The following NXPH1 variants were observed in gnomAD, a reference collection of about 807,000 sequenced individuals.
The protein encoded by NXPH1 is neurexophilin 1.
NXPH1 carries 5 observed loss-of-function variants against 23.7 expected under a neutral mutation model. The ratio of observed to expected loss-of-function variants is 0.21; its 90% CI spans 0.11 to 0.44. NXPH1 has a LOEUF of 0.44. NXPH1 is among the 20% of genes least tolerant of loss of function. NXPH1 has a pLI of 0.99. For missense variants in NXPH1, 324 were observed against 321.6 expected, an observed-to-expected ratio of 1.01 and a Z score of -0.06; for synonymous variants, 144 against 122.2, an observed-to-expected ratio of 1.18 and a Z score of -1.18.
chr7:8,665,470 T>G (rs1279245689), intron 2 of NXPH1, among the ~76,000 whole-genome samples: 1 of 152,108 alleles, frequency 6.6e-6, no homozygotes, highest in African/African-American at 2.4e-5. Context: ...CTTTGTTCTT[T>G]TTGTTCAAGA....
At chr7:8,543,494 TGTAACAATGCAGATTTGG>T (rs1471198248) in intron 2 of NXPH1, among the ~76,000 whole-genome samples, 2 of 151,550 alleles carry the variant, frequency 1.3e-5, no homozygotes, top group African/African-American at 4.8e-5. Flanking sequence ...TGGGGGTGAT[TGTAACAATGCAGATTTGG>T]GGCCAAATCC....
intron 2 of NXPH1, among the ~76,000 whole-genome samples, chr7:8,612,354 T>C (rs1382589932): frequency 6.6e-6 from 1 of 151,848 alleles, no homozygotes; most frequent in Non-Finnish European, 1.5e-5. Context: ...CAATAAAGGC[T>C]GTTTTGGTGA....
At chr7:8,619,027 A>G (rs1819806848) in intron 2 of NXPH1, among the ~76,000 whole-genome samples, 1 of 152,168 alleles carries the variant, frequency 6.6e-6, no homozygotes. Flanking sequence ...TTTAGTATGT[A>G]CAAAAGAGAT....
At chr7:8,724,470 AAACTGCT>A (rs1434416419) in intron 2 of NXPH1, among the ~76,000 whole-genome samples, 1 of 152,234 alleles carries the variant, frequency 6.6e-6, no homozygotes, top group African/African-American at 2.4e-5. Flanking sequence ...AAGGTAAAAC[AAACTGCT>A]AATAATGAGT....
rs372682677 is a variant in NXPH1, at chr7:8,608,945, C to T, written c.55-142063C>T. 3.3e-5 allele frequency among the ~76,000 whole-genome samples: 5 copies of T among 152,210 alleles called. 1 individual carries two copies. Among genetic ancestry groups the T allele is most frequent in the African/African-American group, 9.6e-5 (4 of 41,552 alleles). On this transcript the variant is annotated intron_variant, in intron 2 of 2. Transcript: ENST00000405863. ...AACAGGGATATATACAGTAAGTCCT[C>T]ACCTAATGTCATTGATAGGTTCTTG...
chr7:8,639,456 T>G (rs780296915), intron 2 of NXPH1, among the ~76,000 whole-genome samples: 10 of 151,042 alleles, frequency 6.6e-5, no homozygotes, highest in Non-Finnish European at 1.3e-4. Flanking sequence ...CTACCATCGG[T>G]GTAAAAGAAA....
chr7:8,473,822 A>G (rs1209869190), intron 2 of NXPH1, among the ~76,000 whole-genome samples: 3 of 151,962 alleles, frequency 2.0e-5, no homozygotes, highest in Non-Finnish European at 4.4e-5. Flanking sequence ...TCACAGCCCA[A>G]TTTGACTAGT....
chr7:8,588,922 A>T (rs1277332460), intron 2 of NXPH1, among the ~76,000 whole-genome samples: 2 of 152,182 alleles, frequency 1.3e-5, no homozygotes, highest in African/African-American at 4.8e-5. Context: ...ATTTATTTAC[A>T]TGCATGCTGT....
chr7:8,680,280 G>A (rs1313623108), intron 2 of NXPH1, among the ~76,000 whole-genome samples: 2 of 152,204 alleles, frequency 1.3e-5, no homozygotes, highest in Non-Finnish European at 2.9e-5. Context: ...GTGGTGAATC[G>A]GGGAGAGGGA....
chr7:8,666,440 T>C, intron 2 of NXPH1, among the ~76,000 whole-genome samples: 1 of 152,024 alleles, frequency 6.6e-6, no homozygotes, highest in Admixed American at 6.5e-5. Context: ...TTTGCTAGTA[T>C]TTTGTTGAGA....
chr7:8,434,242 C>G lies in NXPH1; in HGVS notation c.-624C>G, dbSNP rs1304532615. On this transcript the variant is annotated 5_prime_UTR_variant, in exon 1 of 3. Coordinates refer to ENST00000405863, the MANE Select transcript of NXPH1 (RefSeq NM_152745.3). The surrounding 1 kb of genome is among the most constrained non-coding windows in gnomAD (Gnocchi z 7.6). ...TCTGCCGTGTGGTTCTCTTTTCTTC[C>G]GAAAGGCCAGTGTCTTATCTCTCCA... The G allele has an allele frequency of 6.5e-6, 1 of 152,938 alleles. No homozygotes were observed. The highest frequency in any genetic ancestry group is 1.5e-5 in the Non-Finnish European group (1 of 68,258). The allele number at this position is 152,938 out of a possible 1,614,324, so 9.5% of individuals were successfully genotyped here. A position where few individuals can be genotyped will look rare whatever the true frequency, so the allele number is the denominator to read the frequency against.
At chr7:8,512,394 A>T (rs889529328) in intron 2 of NXPH1, among the ~76,000 whole-genome samples, 6 of 152,152 alleles carry the variant, frequency 3.9e-5, no homozygotes, top group Admixed American at 6.5e-5. Context: ...AGGTATATAA[A>T]GGTAAAGGAA....
intron 2 of NXPH1, among the ~76,000 whole-genome samples, chr7:8,520,096 A>C (rs1817746286): frequency 6.6e-6 from 1 of 152,212 alleles, no homozygotes; most frequent in Admixed American, 6.5e-5. Flanking sequence ...CCAAATTCAA[A>C]AATGAGAAAT....
intron 2 of NXPH1, among the ~76,000 whole-genome samples, chr7:8,504,274 C>G (rs1163699340): frequency 6.6e-6 from 1 of 152,016 alleles, no homozygotes; most frequent in East Asian, 1.9e-4. Context: ...TATTAGATCA[C>G]AAATTCCTTG....
At chr7:8,731,379 G>A (rs1016676705) in intron 2 of NXPH1, among the ~76,000 whole-genome samples, 1 of 152,178 alleles carries the variant, frequency 6.6e-6, no homozygotes, top group African/African-American at 2.4e-5. Context: ...TTCCCTTGCT[G>A]GGGAGGAACT....
intron 2 of NXPH1, among the ~76,000 whole-genome samples, chr7:8,612,560 T>A (rs1267847492): frequency 2.6e-5 from 4 of 152,100 alleles, no homozygotes; most frequent in Non-Finnish European, 1.5e-5. Flanking sequence ...TGTGCTAAGT[T>A]ATAAGAGAGT....
At chr7:8,581,269 C>T (rs547303901) in intron 2 of NXPH1, among the ~76,000 whole-genome samples, 23 of 152,122 alleles carry the variant, frequency 1.5e-4, no homozygotes, top group Non-Finnish European at 2.6e-4. Flanking sequence ...TCTTGCATTG[C>T]TATGAAGAAC....
chr7:8,736,894 CT>C (rs1218643664), intron 2 of NXPH1, among the ~76,000 whole-genome samples: 1 of 151,294 alleles, frequency 6.6e-6, no homozygotes, highest in Non-Finnish European at 1.5e-5. Context: ...CCTTCTTTGT[CT>C]TTTTTGGTCT....
At chr7:8,524,079 C>T (rs1298548604) in intron 2 of NXPH1, among the ~76,000 whole-genome samples, 1 of 151,806 alleles carries the variant, frequency 6.6e-6, no homozygotes, top group Non-Finnish European at 1.5e-5. Context: ...CCCTTCTCTA[C>T]TAAAAATCCA....
Sources: gnomAD v4.1 joint callset for allele counts (sites outside exome capture counted in the v4.1 genomes callset) on GRCh38, gnomAD v4.1.1 for gene constraint, Gnocchi (gnomAD v3.1) non-coding constraint, MANE v1.5 for transcripts, NCBI Gene and HGNC (gene_info 2026-07-23, HGNC 2026-07-21) for gene names.